RSRC1: variants seen among roughly 807,000 people sequenced by gnomAD.
RSRC1 encodes the protein arginine and serine rich coiled-coil 1.
Under a neutral mutation model 49.1 loss-of-function variants are expected in RSRC1, and 39 were observed. The ratio of observed to expected loss-of-function variants is 0.79; its 90% CI spans 0.61 to 1.04. The LOEUF (loss-of-function observed/expected upper bound fraction) is 1.04. Ranked by LOEUF, RSRC1 falls within the 50% of genes least tolerant of loss-of-function variation. RSRC1 has a pLI of 0.00. For missense variants in RSRC1, 388 were observed against 402.4 expected (o/e 0.96, Z 0.31); for synonymous variants, 143 against 130.8 (o/e 1.09, Z -0.63).
chr3:158,268,853 T>A (rs972919871), intron 4 of RSRC1, among the ~76,000 whole-genome samples: 4 of 152,218 alleles, frequency 2.6e-5, no homozygotes, highest in Admixed American at 6.5e-5. Context: ...TGCAGATCAT[T>A]TATAAATGCA....
intron 3 of RSRC1, among the ~76,000 whole-genome samples, chr3:158,186,823 T>C (rs1719957163): frequency 6.6e-6 from 1 of 151,958 alleles, no homozygotes; most frequent in South Asian, 2.1e-4. Context: ...CTTTAATATC[T>C]TTTCTTAAAA....
intron 7 of RSRC1, among the ~76,000 whole-genome samples, chr3:158,530,227 C>T (rs751306800): frequency 7.2e-5 from 11 of 151,896 alleles, no homozygotes; most frequent in Non-Finnish European, 1.6e-4. Flanking sequence ...TAAATTAGCA[C>T]TTTTGTTTAT....
At chr3:158,501,921 G>A (rs1393680383) in intron 7 of RSRC1, among the ~76,000 whole-genome samples, 1 of 151,922 alleles carries the variant, frequency 6.6e-6, no homozygotes, top group Non-Finnish European at 1.5e-5. Flanking sequence ...TTTGTTTTTT[G>A]TTTTGTTTTT....
At chr3:158,219,839 C>G (rs1722135630) in intron 4 of RSRC1, among the ~76,000 whole-genome samples, 2 of 151,482 alleles carry the variant, frequency 1.3e-5, no homozygotes, top group Non-Finnish European at 3.0e-5. Context: ...TTATTTAATA[C>G]TGAATGATAA....
intron 6 of RSRC1, among the ~76,000 whole-genome samples, chr3:158,438,835 A>C (rs1736199658): frequency 6.6e-6 from 1 of 151,662 alleles, no homozygotes; most frequent in Non-Finnish European, 1.5e-5. Context: ...TAATTAAACT[A>C]AAGAGCTTCT....
chr3:158,496,008 A>G (rs1334677913), intron 7 of RSRC1, among the ~76,000 whole-genome samples: 1 of 152,240 alleles, frequency 6.6e-6, no homozygotes, highest in Non-Finnish European at 1.5e-5. Flanking sequence ...TATGTTATAT[A>G]GGTACAAGTG....
intron 1 of RSRC1, among the ~76,000 whole-genome samples, chr3:158,111,824 C>T (rs1290654747): frequency 6.6e-6 from 1 of 152,130 alleles, no homozygotes; most frequent in Non-Finnish European, 1.5e-5. Context: ...AAACTGATTG[C>T]CTGTTTTCTG....
intron 6 of RSRC1, among the ~76,000 whole-genome samples, chr3:158,367,268 G>T (rs539821061): frequency 1.3e-5 from 2 of 152,036 alleles, no homozygotes; most frequent in Non-Finnish European, 2.9e-5. Context: ...TATTGGCTGT[G>T]GGTTTGTCAT....
chr3:158,474,352 G>C (rs1738277786), intron 7 of RSRC1, among the ~76,000 whole-genome samples: 1 of 152,164 alleles, frequency 6.6e-6, no homozygotes, highest in South Asian at 2.1e-4. Context: ...ACATACCTTA[G>C]TTGAATACAT....
At chr3:158,488,785 T>C (rs935351806) in intron 7 of RSRC1, among the ~76,000 whole-genome samples, 6 of 152,198 alleles carry the variant, frequency 3.9e-5, no homozygotes, top group Non-Finnish European at 8.8e-5. Flanking sequence ...TAACACTTCT[T>C]AAAGTAAAAG....
chr3:158,146,682 T>G (rs898530361), intron 3 of RSRC1, among the ~76,000 whole-genome samples: 1 of 152,222 alleles, frequency 6.6e-6, no homozygotes, highest in African/African-American at 2.4e-5. Context: ...TTCTATTGAT[T>G]GGAATAGTTT....
intron 5 of RSRC1, among the ~76,000 whole-genome samples, chr3:158,301,582 T>C (rs1727552549): frequency 6.6e-6 from 1 of 152,196 alleles, no homozygotes; most frequent in Non-Finnish European, 1.5e-5. Flanking sequence ...ACACCAATAC[T>C]GTTACTCATT....
At chr3:158,429,942 A>G (rs538356944) in intron 6 of RSRC1, among the ~76,000 whole-genome samples, 1 of 151,894 alleles carries the variant, frequency 6.6e-6, no homozygotes, top group Non-Finnish European at 1.5e-5. Flanking sequence ...AACAAGATGA[A>G]TAAACTCTAG....
intron 6 of RSRC1, among the ~76,000 whole-genome samples, chr3:158,421,366 T>C (rs1281929101): frequency 6.6e-6 from 1 of 151,898 alleles, no homozygotes; most frequent in South Asian, 2.1e-4. Context: ...TTCTTTGAGA[T>C]CCACCTGCCT....
chr3:158,366,613 T>C (rs1731784423), intron 6 of RSRC1, among the ~76,000 whole-genome samples: 1 of 151,816 alleles, frequency 6.6e-6, no homozygotes, highest in South Asian at 2.1e-4. Context: ...TTGCTTAGGA[T>C]TGTCTTGGCT....
intron 5 of RSRC1, among the ~76,000 whole-genome samples, chr3:158,329,345 G>GT (rs1224351240): frequency 1.3e-5 from 2 of 152,172 alleles, no homozygotes; most frequent in African/African-American, 2.4e-5. Flanking sequence ...TTTCTGCTCT[G>GT]TTTTTTCTCC....
chr3:158,421,064 G>A (rs1735018390), intron 6 of RSRC1, among the ~76,000 whole-genome samples: 1 of 151,824 alleles, frequency 6.6e-6, no homozygotes. Flanking sequence ...ATTTTGCCTG[G>A]GAGTAAAGGG....
At chr3:158,389,040 A>G (rs1007634168) in intron 6 of RSRC1, among the ~76,000 whole-genome samples, 2 of 152,324 alleles carry the variant, frequency 1.3e-5, no homozygotes, top group Non-Finnish European at 1.5e-5. Context: ...AAAAGTTTAT[A>G]GAAAAAAAAC....
At chr3:158,417,111 T>C (rs568219986) in intron 6 of RSRC1, among the ~76,000 whole-genome samples, 4 of 152,078 alleles carry the variant, frequency 2.6e-5, no homozygotes, top group Non-Finnish European at 5.9e-5. Context: ...TTAGGTAGGC[T>C]GCATCTATAA....
Sources: gnomAD v4.1 joint callset for allele counts (sites outside exome capture counted in the v4.1 genomes callset) on GRCh38, gnomAD v4.1.1 for gene constraint, MANE v1.5 for transcripts, NCBI Gene and HGNC (gene_info 2026-07-23, HGNC 2026-07-21) for gene names.